Variants in PCDH1 observed in about 807,000 individuals in gnomAD.
The protein encoded by PCDH1 is protocadherin-1.
A neutral mutation model predicts 74.6 loss-of-function variants in PCDH1; 23 were observed. The ratio of observed to expected loss-of-function variants is 0.31; its 90% CI spans 0.22 to 0.44. The LOEUF (loss-of-function observed/expected upper bound fraction) is 0.44, where lower values mean the gene tolerates loss of function less well. PCDH1 is among the 20% of genes least tolerant of loss of function. PCDH1 has a pLI of 1.00. For missense variants in PCDH1, 1,214 were observed against 1,641.4 expected (o/e 0.74, Z 4.50); for synonymous variants, 647 against 686.1 (o/e 0.94, Z 0.89).
intron 1 of PCDH1, among the ~76,000 whole-genome samples, chr5:141,871,938 T>C (rs536996663): frequency 8.5e-5 from 13 of 152,324 alleles, no homozygotes; most frequent in Non-Finnish European, 1.6e-4. Flanking sequence ...GGGCACATAG[T>C]AGACTCTCAG....
intron 1 of PCDH1, among the ~76,000 whole-genome samples, chr5:141,871,196 C>G (rs148924958): frequency 1.6e-4 from 25 of 152,348 alleles, no homozygotes; most frequent in African/African-American, 6.0e-4. Context: ...ATCCCCTGCC[C>G]CCTAACAATG....
At chr5:141,856,144 G>T in intron 4 of PCDH1, 1 of 1,351,958 alleles carries the variant, frequency 7.4e-7, no homozygotes, top group Non-Finnish European at 1.0e-6. Flanking sequence ...GCTCAGAGCA[G>T]AGCATGGGCA....
Position 141,863,709 on chromosome 5 carries a change from C to A in PCDH1, c.2622G>T (p.Val874=). The part of the protein sequence containing the change: ...VALLIALAVL[V]RYCRQREAKS... ...TGGCCTCCCGCTGTCTGCAGTAGCG[C>A]ACAAGAACCGCCAGGGCGATGAGCA... Residue 874 remains valine (V), a synonymous_variant, in exon 3 of 5, where the codon GTG becomes GTT. Transcript: ENST00000287008. The surrounding 1 kb of genome is among the most constrained non-coding windows in gnomAD (Gnocchi z 7.5). 6.2e-7 allele frequency: 1 copy of A among 1,614,208 alleles called. No homozygotes were observed. The highest frequency in any genetic ancestry group is 8.5e-7 in the Non-Finnish European group (1 of 1,180,036).
chr5:141,857,238 G>C lies in PCDH1; in HGVS notation c.3319+14C>G. The C allele has an allele frequency of 6.4e-7, 1 of 1,550,658 alleles. No individual in the cohort carries two copies. The highest frequency in any genetic ancestry group is 1.8e-5 in the Admixed American group (1 of 54,132). Reference sequence around the variant, plus strand: ...TCATTCCTGGGGTGCCCTGACCATGGTGCTGCGCCTCACCATTCTCGGGGT... The same window carrying C: ...TCATTCCTGGGGTGCCCTGACCATGCTGCTGCGCCTCACCATTCTCGGGGT... On this transcript the variant is annotated intron_variant, in intron 4 of 4. Transcript: ENST00000287008.
chr5:141,854,019 GGGCC>G lies in PCDH1; in HGVS notation c.*19_*22del, dbSNP rs771695199. The G allele has an allele frequency of 1.4e-6, 2 of 1,471,976 alleles. No homozygotes were observed. The highest frequency in any genetic ancestry group is 2.6e-5 in the Admixed American group (1 of 38,624). The allele number at this position is 1,471,976 out of a possible 1,614,324, so 91.2% of individuals were successfully genotyped here. A position where few individuals can be genotyped will look rare whatever the true frequency, so the allele number is the denominator to read the frequency against. On this transcript the variant is annotated 3_prime_UTR_variant, in exon 5 of 5. Coordinates refer to ENST00000287008, the MANE Select transcript of PCDH1 (RefSeq NM_032420.5). ...GAGCTGGCCGGCGGCTGGGGGAGGGGGGCCGGCCGGCCAGTAGGGGGCTCACAGG... is the reference window on the plus strand; with the variant it reads ...GAGCTGGCCGGCGGCTGGGGGAGGGGGGCCGGCCAGTAGGGGGCTCACAGG...
In PCDH1 at chr5:141,864,529, T is replaced by C; in HGVS notation, c.1802A>G (p.Asn601Ser). The change falls in exon 3 of 5, where the codon AAT (asparagine) becomes AGT (serine). Residue 601 changes from asparagine to serine, a missense_variant. Asn to Ser is a conservative substitution (Grantham distance 46). Transcript: ENST00000287008. This position sits in a 1 kb window ranked among gnomAD's most constrained non-coding sequence, Gnocchi z 5.9. ...SLQGTATVLV[N>S]VLDCNDNDPK... ...GTCATTGTCATTGCAGTCCAGCACA[T>C]TGACAAGGACAGTGGCTGTGCCCTG... 6.2e-7 allele frequency: 1 copy of C among 1,614,104 alleles called. No homozygotes were observed. The highest frequency in any genetic ancestry group is 8.5e-7 in the Non-Finnish European group (1 of 1,179,990).
intron 1 of PCDH1, among the ~76,000 whole-genome samples, chr5:141,877,278 T>G (rs1561490691): frequency 1.3e-5 from 2 of 152,166 alleles, no homozygotes; most frequent in Non-Finnish European, 2.9e-5. Flanking sequence ...TTTGTGACCG[T>G]GAGGCGCTGC....
chr5:141,875,776 G>A (rs891023154), intron 1 of PCDH1, among the ~76,000 whole-genome samples: 1 of 152,124 alleles, frequency 6.6e-6, no homozygotes, highest in Non-Finnish European at 1.5e-5. Flanking sequence ...ACCTCTGGGG[G>A]CCAGTCTGCC....
rs1302537315 is a variant in PCDH1, at chr5:141,864,504, G to A, written c.1827C>T (p.Asp609=). 6.2e-7 allele frequency: 1 copy of A among 1,614,032 alleles called. No individual in the cohort carries two copies. Among genetic ancestry groups the A allele is most frequent in the Non-Finnish European group, 8.5e-7 (1 of 1,180,000 alleles). The part of the protein sequence containing the change: ...LVNVLDCNDN[D]PKFMLSGYNF... ...TGTAGCCACTCAGCATAAATTTGGG[G>A]TCATTGTCATTGCAGTCCAGCACAT... Residue 609 remains aspartate, a synonymous_variant, in exon 3 of 5, where the codon GAC becomes GAT. Transcript: ENST00000287008. This position sits in a 1 kb window ranked among gnomAD's most constrained non-coding sequence, Gnocchi z 5.9.
chr5:141,870,742 C>G (rs1048818098), intron 1 of PCDH1, among the ~76,000 whole-genome samples: 9 of 152,154 alleles, frequency 5.9e-5, no homozygotes, highest in African/African-American at 2.2e-4. Context: ...CCAGCTAGAC[C>G]CAGCTACTGT....
At chr5:141,856,850 C>G (rs561128076) in intron 4 of PCDH1, among the ~76,000 whole-genome samples, 1 of 152,310 alleles carries the variant, frequency 6.6e-6, no homozygotes, top group South Asian at 2.1e-4. Flanking sequence ...CCCACCTTCT[C>G]AAGGTTTCCT....
intron 1 of PCDH1, among the ~76,000 whole-genome samples, chr5:141,870,460 C>G (rs1753064900): frequency 6.6e-6 from 1 of 152,162 alleles, no homozygotes; most frequent in African/African-American, 2.4e-5. Flanking sequence ...CTGTCCTTAG[C>G]AACAGGGAGC....
intron 4 of PCDH1, among the ~76,000 whole-genome samples, chr5:141,856,456 G>A (rs968693753): frequency 6.6e-6 from 1 of 152,120 alleles, no homozygotes; most frequent in African/African-American, 2.4e-5. Flanking sequence ...TGAGTTGAGG[G>A]AGTGGGTGGG....
Position 141,864,595 on chromosome 5 carries a change from T to A in PCDH1, c.1736A>T (p.Glu579Val). The A allele has an allele frequency of 6.2e-7, 1 of 1,613,708 alleles. No homozygotes were observed. Among genetic ancestry groups the A allele is most frequent in the Non-Finnish European group, 8.5e-7 (1 of 1,180,010 alleles). ...SLDREQRESY[E>V]LKVVAADRGS... ...CCGGTCAGCTGCCACCACCTTCAAC[T>A]CATAGCTCTCCCGCTGTTCCCGATC... The change falls in exon 3 of 5, where the codon GAG becomes GTG. Residue 579 changes from glutamate (E) to valine (V), a missense_variant. By Grantham distance (121) the Glu-to-Val change is moderately radical. Transcript: ENST00000287008. This position sits in a 1 kb window ranked among gnomAD's most constrained non-coding sequence, Gnocchi z 5.9.
At chr5:141,873,860 G>A (rs115387402) in intron 1 of PCDH1, among the ~76,000 whole-genome samples, 1 of 152,010 alleles carries the variant, frequency 6.6e-6, no homozygotes, top group Non-Finnish European at 1.5e-5. Flanking sequence ...TTACACACAT[G>A]ATCTCTTTCC....
In PCDH1 at chr5:141,868,470, C is replaced by A. The variant is rs1561486259; in HGVS notation, c.903+99G>T. On this transcript the variant is annotated intron_variant, in intron 2 of 4. Coordinates refer to ENST00000287008, the MANE Select transcript of PCDH1 (RefSeq NM_032420.5). The surrounding 1 kb of genome is among the most constrained non-coding windows in gnomAD (Gnocchi z 4.8). Reference sequence around the variant, plus strand: ...AAGGGGTCTCACTACAGTATTCTGGCAGTTTTTCCCCTAAGTGAAGGGAAC... The same window carrying A: ...AAGGGGTCTCACTACAGTATTCTGGAAGTTTTTCCCCTAAGTGAAGGGAAC... 2.7e-6 allele frequency: 4 copies of A among 1,494,826 alleles called. No individual in the cohort carries two copies. Among genetic ancestry groups the A allele is most frequent in the Non-Finnish European group, 3.6e-6 (4 of 1,125,606 alleles). 92.6% of individuals were successfully genotyped at this position (1,494,826 alleles called of 1,614,324 possible).
Position 141,864,911 on chromosome 5 carries a change from T to C in PCDH1, c.1420A>G (p.Ile474Val). Residue 474 changes from isoleucine (I) to valine (V), a missense_variant, in exon 3 of 5, where the codon ATT becomes GTT. By Grantham distance (29) the Ile-to-Val change is conservative. Around this residue, in one of 4 missense-constraint regions of PCDH1, gnomAD observed 836 missense variants for 1,182.2 expected, o/e 0.71. Coordinates refer to ENST00000287008, the MANE Select transcript of PCDH1 (RefSeq NM_032420.5). The surrounding 1 kb of genome is among the most constrained non-coding windows in gnomAD (Gnocchi z 5.9). ...CCAGAGTCCACAGCCACAATCTCAA[T>C]GGTGTAGTCTTTGACCTTCTCGTAG... ...LDYEKVKDYT[I>V]EIVAVDSGNP... 1 of 1,614,140 alleles carries C rather than the reference T, an allele frequency of 6.2e-7. No homozygotes were observed. The highest frequency in any genetic ancestry group is 8.5e-7 in the Non-Finnish European group (1 of 1,180,026).
rs760160399 is a variant in PCDH1 at position 141,869,127 on chromosome 5, G to A, written c.345C>T (p.Ile115=). The stretch of plus-strand genomic sequence containing the variant: ...GGCATTCACGGAGCCCCTCACGGTC[G>A]ATGGAGGTCTCGGTGGTGAAAATGT... ...TGDIFTTETS[I]DREGLRECQN... Residue 115 remains isoleucine, a synonymous_variant, in exon 2 of 5, where the codon ATC becomes ATT. Transcript: ENST00000287008. This position sits in a 1 kb window ranked among gnomAD's most constrained non-coding sequence, Gnocchi z 4.9. 7 of 1,614,104 alleles carry A rather than the reference G, an allele frequency of 4.3e-6. No individual in the cohort carries two copies. The highest frequency in any genetic ancestry group is 2.2e-5 in the East Asian group (1 of 44,858).
chr5:141,870,105 A>G (rs1461818216), intron 1 of PCDH1, among the ~76,000 whole-genome samples: 1 of 152,072 alleles, frequency 6.6e-6, no homozygotes, highest in African/African-American at 2.4e-5. Flanking sequence ...TCTGACAATC[A>G]CCCACGGTGC....
Sources: gnomAD v4.1 joint callset for allele counts (sites outside exome capture counted in the v4.1 genomes callset) on GRCh38, gnomAD v4.1.1 for gene constraint, gnomAD v4.1.1 regional missense constraint, Gnocchi (gnomAD v3.1) non-coding constraint, MANE v1.5 for transcripts, NCBI Gene and HGNC (gene_info 2026-07-23, HGNC 2026-07-21) for gene names.